Variants in TBC1D16 observed in about 807,000 individuals in gnomAD.
TBC1D16 encodes the protein CTD-2529O21.1.
In TBC1D16, 58 loss-of-function variants were observed where a neutral mutation model predicts 74.7. The observed-to-expected ratio is 0.78, with a 90% CI of 0.63 to 0.97. The LOEUF is 0.97. Ranked by LOEUF, TBC1D16 falls within the 50% of genes least tolerant of loss-of-function variation. The probability of loss-of-function intolerance (pLI) is 0.00; values close to 1 mark genes in which losing one functional copy is unlikely to be tolerated. For missense variants in TBC1D16, 1,014 were observed against 1,079.5 expected (o/e 0.94, Z 0.85); for synonymous variants, 493 against 474.7 (o/e 1.04, Z -0.50).
At position 80,001,569 on chromosome 17, in the gene TBC1D16, C is replaced by G. The variant is rs1359509055; in HGVS notation, c.779+8591G>C. Among the ~76,000 whole-genome samples, 1 of 152,078 alleles carries G rather than the reference C, an allele frequency of 6.6e-6. No homozygotes were observed. Among genetic ancestry groups the G allele is most frequent in the African/African-American group, 2.4e-5 (1 of 41,440 alleles). On this transcript the variant is annotated intron_variant, in intron 3 of 11. Coordinates refer to ENST00000310924, the MANE Select transcript of TBC1D16 (RefSeq NM_019020.4). This position sits in a 1 kb window ranked among gnomAD's most constrained non-coding sequence, Gnocchi z 5.8. ...GGGTATCCCCGGGCGCCCTGGTTGG[C>G]CCACGACCGGGATCAGGGGTTTGAT... is the stretch of plus-strand genomic sequence containing the variant.
intron 3 of TBC1D16, among the ~76,000 whole-genome samples, chr17:79,996,692 G>A (rs758108366): frequency 5.9e-5 from 9 of 152,110 alleles, no homozygotes; most frequent in Non-Finnish European, 1.3e-4. Flanking sequence ...ACCAGCCTGA[G>A]CAACATGGCA....
intron 3 of TBC1D16, among the ~76,000 whole-genome samples, chr17:79,982,792 G>A (rs1487921393): frequency 1.3e-5 from 2 of 152,116 alleles, no homozygotes; most frequent in African/African-American, 4.8e-5. Context: ...CCAGGGGGCG[G>A]AGATTGCAGT....
chr17:79,967,598 G>T (rs1024342050), intron 3 of TBC1D16, among the ~76,000 whole-genome samples: 1 of 152,116 alleles, frequency 6.6e-6, no homozygotes, highest in Admixed American at 6.5e-5. Flanking sequence ...ACAAATTAAA[G>T]ACCTAAATAA....
rs1032976572 is a variant in TBC1D16, at chr17:80,002,701, C to T, written c.779+7459G>A. On this transcript the variant is annotated intron_variant, in intron 3 of 11. Coordinates refer to ENST00000310924, the MANE Select transcript of TBC1D16 (RefSeq NM_019020.4). ...TGTGCTGTCAGGCATGGAGGCCTCC[C>T]GCTGTGACCACCAAACTTCACATTC... Among the ~76,000 whole-genome samples, 7 of 152,346 alleles carry T rather than the reference C, an allele frequency of 4.6e-5. No individual in the cohort carries two copies. In the East Asian group the frequency reaches 9.7e-4, roughly 21 times the overall value.
intron 1 of TBC1D16, among the ~76,000 whole-genome samples, chr17:80,018,998 C>T (rs1235666049): frequency 4.7e-5 from 7 of 150,250 alleles, no homozygotes; most frequent in Admixed American, 3.3e-4. Flanking sequence ...CTGTAGCCTG[C>T]GCGGTGTCCA....
chr17:79,986,314 C>T lies in TBC1D16; in HGVS notation c.779+23846G>A, dbSNP rs944385559. Among the ~76,000 whole-genome samples the T allele has an allele frequency of 6.6e-6, 1 of 152,230 alleles. No individual in the cohort carries two copies. The highest frequency in any genetic ancestry group is 1.5e-5 in the Non-Finnish European group (1 of 68,038). ...GCCCCAGGTCTATATCCCAAGGCCA[C>T]GTTCGCTTCATAAACGCAAGGTGAT... On this transcript the variant is annotated intron_variant, in intron 3 of 11. Transcript: ENST00000310924. This position sits in a 1 kb window ranked among gnomAD's most constrained non-coding sequence, Gnocchi z 6.0.
chr17:80,030,663 G>A (rs537996396), intron 1 of TBC1D16, among the ~76,000 whole-genome samples: 138 of 152,376 alleles, frequency 9.1e-4, no homozygotes, highest in African/African-American at 2.7e-3. Flanking sequence ...GGGCCAGGAT[G>A]CAGCAGTCAG....
intron 3 of TBC1D16, among the ~76,000 whole-genome samples, chr17:80,005,691 G>A (rs947501064): frequency 3.3e-5 from 5 of 152,174 alleles, no homozygotes; most frequent in Admixed American, 1.3e-4. Flanking sequence ...CCAGGCCGTC[G>A]CTGGACTGGG....
At chr17:79,947,216 G>A (rs1288845906) in intron 9 of TBC1D16, among the ~76,000 whole-genome samples, 1 of 152,126 alleles carries the variant, frequency 6.6e-6, no homozygotes, top group African/African-American at 2.4e-5. Flanking sequence ...AGACCTCAGG[G>A]GGTTTCAGGA....
chr17:79,978,520 C>A (rs925742848), intron 3 of TBC1D16, among the ~76,000 whole-genome samples: 9 of 152,226 alleles, frequency 5.9e-5, no homozygotes, highest in Non-Finnish European at 8.8e-5. Context: ...ATGTACCAGG[C>A]CTTTGAGTGC....
Position 79,945,435 on chromosome 17 carries a change from C to A in TBC1D16, c.1729-348G>T, listed in dbSNP as rs2032444835. Reference sequence around the variant, plus strand: ...CACACTTGGGGGCTGTTTCCCACGTCCACTCCTCCTGGTGAGGTGAGTGGA... The same window carrying A: ...CACACTTGGGGGCTGTTTCCCACGTACACTCCTCCTGGTGAGGTGAGTGGA... On this transcript the variant is annotated intron_variant, in intron 9 of 11. Transcript: ENST00000310924. 2.0e-5 allele frequency among the ~76,000 whole-genome samples: 3 copies of A among 152,182 alleles called. No homozygotes were observed. In the South Asian group the frequency reaches 6.2e-4, roughly 31 times the overall value.
Position 79,985,122 on chromosome 17 carries a change from C to A in TBC1D16, c.779+25038G>T, listed in dbSNP as rs2034782808. Among the ~76,000 whole-genome samples, 1 of 152,184 alleles carries A rather than the reference C, an allele frequency of 6.6e-6. No individual in the cohort carries two copies. The highest frequency in any genetic ancestry group is 2.4e-5 in the African/African-American group (1 of 41,438). ...CTGAAGGCTCCAGGCAAGAGTCTTT[C>A]CTGCCTCTTCCAGCTGGAGGTGCTC... On this transcript the variant is annotated intron_variant, in intron 3 of 11. Coordinates refer to ENST00000310924, the MANE Select transcript of TBC1D16 (RefSeq NM_019020.4). The surrounding 1 kb of genome is among the most constrained non-coding windows in gnomAD (Gnocchi z 4.9).
Position 79,990,653 on chromosome 17 carries a change from A to T in TBC1D16, c.779+19507T>A, listed in dbSNP as rs775389202. 1.3e-5 allele frequency among the ~76,000 whole-genome samples: 2 copies of T among 152,208 alleles called. No homozygotes were observed. Among genetic ancestry groups the T allele is most frequent in the African/African-American group, 2.4e-5 (1 of 41,438 alleles). On this transcript the variant is annotated intron_variant, in intron 3 of 11. Transcript: ENST00000310924. This position sits in a 1 kb window ranked among gnomAD's most constrained non-coding sequence, Gnocchi z 4.8. ...TTTCAACGTCGAGCCCAGTGGCATT[A>T]TACCATTCCTATTTTTGTGCAACCA...
rs970328643 is a variant in TBC1D16, at chr17:79,933,702, C to T, written c.*7157G>A. 1 of 152,274 alleles carries T rather than the reference C, an allele frequency of 6.6e-6. No individual in the cohort carries two copies. The highest frequency in any genetic ancestry group is 1.9e-4 in the East Asian group (1 of 5,194). 9.4% of individuals were successfully genotyped at this position (152,274 alleles called of 1,614,324 possible). ...ATTGGGGGTTCAAGGTTTGCCCAGC[C>T]GGCCCCAAAGGTGTGGGGGTCCACA... On this transcript the variant is annotated 3_prime_UTR_variant, in exon 12 of 12. Coordinates refer to ENST00000310924, the MANE Select transcript of TBC1D16 (RefSeq NM_019020.4).
chr17:79,948,999 T>G lies in TBC1D16; in HGVS notation c.1414A>C (p.Met472Leu), dbSNP rs763365789. ...YSEIQQKRLSMTPEEHRAFWR... is the reference protein window; with the variant it reads ...YSEIQQKRLSLTPEEHRAFWR... ...AACGCTCTGTGCTCCTCGGGAGTCA[T>G]GGAGAGCCTGTGTGGAGCCGAGCAC... The change falls in exon 8 of 12, where the codon ATG (methionine) becomes CTG (leucine). Residue 472 changes from methionine to leucine, a missense_variant. Coordinates refer to ENST00000310924, the MANE Select transcript of TBC1D16 (RefSeq NM_019020.4). The G allele has an allele frequency of 6.2e-7, 1 of 1,613,950 alleles. No homozygotes were observed. Among genetic ancestry groups the G allele is most frequent in the African/African-American group, 1.3e-5 (1 of 74,926 alleles).
Position 79,988,972 on chromosome 17 carries a change from C to T in TBC1D16, c.779+21188G>A, listed in dbSNP as rs1266476812. On this transcript the variant is annotated intron_variant, in intron 3 of 11. Coordinates refer to ENST00000310924, the MANE Select transcript of TBC1D16 (RefSeq NM_019020.4). This position sits in a 1 kb window ranked among gnomAD's most constrained non-coding sequence, Gnocchi z 5.7. Reference sequence around the variant, plus strand: ...CTTCAGTCCTCCTGCCGAGAAGAAGCCTTTCATCAGTAAAAGAGAAAACGG... The same window carrying T: ...CTTCAGTCCTCCTGCCGAGAAGAAGTCTTTCATCAGTAAAAGAGAAAACGG... 6.6e-6 allele frequency among the ~76,000 whole-genome samples: 1 copy of T among 152,186 alleles called. No homozygotes were observed. Among genetic ancestry groups the T allele is most frequent in the African/African-American group, 2.4e-5 (1 of 41,440 alleles).
At chr17:80,034,422 G>T (rs192959812) in intron 1 of TBC1D16, among the ~76,000 whole-genome samples, 1 of 151,986 alleles carries the variant, frequency 6.6e-6, no homozygotes, top group African/African-American at 2.4e-5. Flanking sequence ...GGCTGGTCTC[G>T]AACTCCTGAC....
In TBC1D16 at chr17:80,007,895, A is replaced by G. The variant is rs986337357; in HGVS notation, c.779+2265T>C. Among the ~76,000 whole-genome samples, 2 of 152,072 alleles carry G rather than the reference A, an allele frequency of 1.3e-5. No homozygotes were observed. The highest frequency in any genetic ancestry group is 2.9e-5 in the Non-Finnish European group (2 of 68,012). ...CCCCGAGTGAAGGAGATGGTGCTTCATCCTGAAAATGATGGGCGGCCCCCG... is the reference window on the plus strand; with the variant it reads ...CCCCGAGTGAAGGAGATGGTGCTTCGTCCTGAAAATGATGGGCGGCCCCCG... On this transcript the variant is annotated intron_variant, in intron 3 of 11. Coordinates refer to ENST00000310924, the MANE Select transcript of TBC1D16 (RefSeq NM_019020.4). The surrounding 1 kb of genome is among the most constrained non-coding windows in gnomAD (Gnocchi z 4.5).
chr17:79,952,706 C>T lies in TBC1D16; in HGVS notation c.892G>A (p.Val298Met), dbSNP rs145310382. Residue 298 changes from valine (V) to methionine (M), a missense_variant, in exon 4 of 12, where the codon GTG (valine) becomes ATG (methionine). Coordinates refer to ENST00000310924, the MANE Select transcript of TBC1D16 (RefSeq NM_019020.4). ...ATGTGGCCCAGGTCCACGCGGAACA[C>T]GCCGCAAATCTGCTCCAGGGCGCAC... Reference protein sequence around the residue: ...RVCALEQICGVFRVDLGHMRS... With the variant: ...RVCALEQICGMFRVDLGHMRS... The T allele has an allele frequency of 2.4e-5, 39 of 1,610,934 alleles. No individual in the cohort carries two copies. Among genetic ancestry groups the T allele is most frequent in the East Asian group, 4.5e-5 (2 of 44,782 alleles).
Sources: gnomAD v4.1 joint callset for allele counts (sites outside exome capture counted in the v4.1 genomes callset) on GRCh38, gnomAD v4.1.1 for gene constraint, Gnocchi (gnomAD v3.1) non-coding constraint, MANE v1.5 for transcripts, NCBI Gene and HGNC (gene_info 2026-07-23, HGNC 2026-07-21) for gene names.